FMNL2: variants seen among roughly 807,000 people sequenced by gnomAD.
The protein encoded by FMNL2 is formin-like protein 2.
A neutral mutation model predicts 130.2 loss-of-function variants in FMNL2; 51 were observed. The ratio of observed to expected loss-of-function variants is 0.39; its 90% confidence interval spans 0.31 to 0.49. FMNL2 has a LOEUF of 0.49. FMNL2 is among the 20% of genes least tolerant of loss of function. The pLI, the probability that FMNL2 is intolerant of heterozygous loss-of-function variation, is 0.85. For missense variants in FMNL2, 977 were observed against 1,316.2 expected (o/e 0.74, Z 3.99); for synonymous variants, 465 against 467.1 (o/e 1.00, Z 0.06).
At chr2:152,494,146 G>A (rs1454444014) in intron 1 of FMNL2, among the ~76,000 whole-genome samples, 2 of 152,238 alleles carry the variant, frequency 1.3e-5, no homozygotes, top group East Asian at 3.8e-4. Context: ...CTGGAAGACG[G>A]TATGATAAAC....
chr2:152,629,962 TGAA>T, intron 20 of FMNL2, 57 bp downstream of exon 20: 2 of 1,485,826 alleles, frequency 1.3e-6, no homozygotes, highest in Non-Finnish European at 1.8e-6. Context: ...CTGGCAGAGA[TGAA>T]GTTAGGGTGG....
At chr2:152,547,626 A>G (rs1399580599) in intron 3 of FMNL2, among the ~76,000 whole-genome samples, 3 of 152,134 alleles carry the variant, frequency 2.0e-5, no homozygotes, top group Non-Finnish European at 2.9e-5. Flanking sequence ...TCAGGCCTTC[A>G]TGGGCCACCA....
At chr2:152,452,116 A>G (rs1688679036) in intron 1 of FMNL2, among the ~76,000 whole-genome samples, 2 of 152,184 alleles carry the variant, frequency 1.3e-5, no homozygotes, top group Non-Finnish European at 1.5e-5. Context: ...CAAAGTGAAT[A>G]CATTTGTTGC....
chr2:152,615,284 G>T (rs1243658095), intron 12 of FMNL2, among the ~76,000 whole-genome samples: 1 of 152,036 alleles, frequency 6.6e-6, no homozygotes, highest in Admixed American at 6.6e-5. Context: ...GCAGAGTGGG[G>T]GTGTTTGATG....
intron 9 of FMNL2, among the ~76,000 whole-genome samples, chr2:152,599,774 A>G (rs1222758761): frequency 1.3e-5 from 2 of 152,192 alleles, no homozygotes; most frequent in African/African-American, 2.4e-5. Flanking sequence ...GAATACATTT[A>G]GTTGCTTAGC....
intron 1 of FMNL2, among the ~76,000 whole-genome samples, chr2:152,446,429 A>C (rs1179099209): frequency 2.2e-4 from 33 of 152,212 alleles, no homozygotes; most frequent in Admixed American, 2.2e-3. Flanking sequence ...AGCTGAAACC[A>C]GATTGCAAAA....
chr2:152,524,379 A>C (rs536558135), intron 2 of FMNL2, among the ~76,000 whole-genome samples: 27 of 152,292 alleles, frequency 1.8e-4, no homozygotes, highest in African/African-American at 6.5e-4. Context: ...AGGTGAAAGT[A>C]ACATGGGAGA....
intron 1 of FMNL2, among the ~76,000 whole-genome samples, chr2:152,499,113 T>G (rs1691671697): frequency 6.6e-6 from 1 of 152,160 alleles, no homozygotes; most frequent in African/African-American, 2.4e-5. Context: ...TCCGGGAGCT[T>G]GGTCAGCTAT....
intron 1 of FMNL2, among the ~76,000 whole-genome samples, chr2:152,350,372 T>C (rs6757207): frequency 0.39 from 59,416 of 152,126 alleles, 14,941 homozygotes; most frequent in Non-Finnish European, 0.57. Context: ...CCTCACTCTG[T>C]TGTCGGTAAC....
intron 1 of FMNL2, among the ~76,000 whole-genome samples, chr2:152,387,498 A>T (rs2105914879): frequency 6.6e-6 from 1 of 152,366 alleles, no homozygotes; most frequent in South Asian, 2.1e-4. Flanking sequence ...AAATGTATGA[A>T]ATATAAAAGT....
chr2:152,569,628 C>T (rs190447304), intron 6 of FMNL2, among the ~76,000 whole-genome samples: 32 of 141,410 alleles, frequency 2.3e-4, no homozygotes, highest in Admixed American at 2.0e-3. Context: ...CTGCAATGTG[C>T]GGAGATCATG....
chr2:152,603,205 T>C (rs545914081), intron 9 of FMNL2, among the ~76,000 whole-genome samples: 180 of 152,260 alleles, frequency 1.2e-3, no homozygotes, highest in African/African-American at 4.2e-3. Flanking sequence ...TTAGTTGAGA[T>C]TGGCAGCAAA....
rs1685287656 is a variant in FMNL2, at chr2:152,394,518, C to T, written c.117+58798C>T. ...GAGTTCCTCTTAGTTCTTCTTGGCT[C>T]ATCTGTTTCCATATGAGCTGGCATT... On this transcript the variant is annotated intron_variant, in intron 1 of 25. Transcript: ENST00000288670. 2.6e-5 allele frequency among the ~76,000 whole-genome samples: 4 copies of T among 151,844 alleles called. No individual in the cohort carries two copies. In the South Asian group the frequency reaches 6.2e-4, roughly 24 times the overall value.
At chr2:152,441,430 G>C (rs1688040480) in intron 1 of FMNL2, among the ~76,000 whole-genome samples, 1 of 152,194 alleles carries the variant, frequency 6.6e-6, no homozygotes, top group Admixed American at 6.5e-5. Flanking sequence ...CTAGCTACTT[G>C]GGAGGCTGAG....
At chr2:152,391,321 T>G (rs77797943) in intron 1 of FMNL2, among the ~76,000 whole-genome samples, 186 of 152,296 alleles carry the variant, frequency 1.2e-3, no homozygotes, top group East Asian at 8.7e-3. Flanking sequence ...TCTGACAGAT[T>G]AAGGTTTCAC....
At chr2:152,635,325 TTGCAAAACTTCCTGAACCACCAAA>T (rs1364189202) in intron 21 of FMNL2, among the ~76,000 whole-genome samples, 13 of 152,304 alleles carry the variant, frequency 8.5e-5, no homozygotes, top group Admixed American at 3.3e-4. Flanking sequence ...CTCGTGTCCT[TTGCAAAACTTCCTGAACCACCAAA>T]TGCATTGCCA....
chr2:152,611,763 T>C (rs533653584), intron 11 of FMNL2, among the ~76,000 whole-genome samples, 158 bp downstream of exon 11: 2 of 152,368 alleles, frequency 1.3e-5, no homozygotes, highest in African/African-American at 4.8e-5. Context: ...TGATGTACTC[T>C]GCCAGAGATG....
Position 152,648,494 on chromosome 2 carries a change from G to A in FMNL2, c.*589G>A, listed in dbSNP as rs913147255. On this transcript the variant is annotated 3_prime_UTR_variant, in exon 26 of 26. Coordinates refer to ENST00000288670, the MANE Select transcript of FMNL2 (RefSeq NM_052905.4). ...TTCACATTCTACTACTTCTGCGCTA[G>A]AGAACGATGCTCTGTGAGAGGCATT... 6.5e-6 allele frequency: 1 copy of A among 153,482 alleles called. No individual in the cohort carries two copies. The allele number at this position is 153,482 out of a possible 1,614,324, so 9.5% of individuals were successfully genotyped here. A position where few individuals can be genotyped will look rare whatever the true frequency, so the allele number is the denominator to read the frequency against.
intron 1 of FMNL2, among the ~76,000 whole-genome samples, chr2:152,486,875 G>A (rs992841528): frequency 6.6e-6 from 1 of 152,138 alleles, no homozygotes; most frequent in Non-Finnish European, 1.5e-5. Flanking sequence ...CTATTTGAGG[G>A]TTTAGGAATA....
Sources: allele counts gnomAD v4.1 joint callset (sites outside exome capture counted in the v4.1 genomes callset), GRCh38; gene constraint gnomAD v4.1.1; transcripts MANE v1.5; gene names NCBI Gene and HGNC (gene_info 2026-07-23, HGNC 2026-07-21).